Variants in DVL2 observed in about 807,000 individuals in gnomAD.
DVL2 encodes dishevelled segment polarity protein 2.
In DVL2, 38 loss-of-function variants were observed where a neutral mutation model predicts 69.8. The observed-to-expected ratio is 0.54, with a 90% CI of 0.42 to 0.71. The LOEUF (loss-of-function observed/expected upper bound fraction) is 0.71, where lower values mean the gene tolerates loss of function less well. DVL2 is among the 30% of genes least tolerant of loss of function. The pLI, the probability that DVL2 is intolerant of heterozygous loss-of-function variation, is 0.00. For synonymous variants in DVL2, 428 were observed against 392.4 expected (o/e 1.09, Z -1.07); for missense variants, 931 against 1,008.1 (o/e 0.92, Z 1.04).
At chr17:7,230,635 C>A (rs1174533217) in intron 2 of DVL2, 93 bp downstream of exon 2, 1 of 1,390,700 alleles carries the variant, frequency 7.2e-7, no homozygotes, top group Non-Finnish European at 9.9e-7. Context: ...GGGCTGCTAA[C>A]GCGCGGCCTG....
Position 7,229,626 on chromosome 17 carries a change from G to T in DVL2, c.709C>A (p.Arg237=), listed in dbSNP as rs140297538. The T allele has an allele frequency of 2.6e-6, 4 of 1,552,334 alleles. No individual in the cohort carries two copies. In the African/African-American group the frequency reaches 5.5e-5, roughly 21 times the overall value. The change falls in exon 6 of 15, where the codon CGG becomes AGG. Residue 237 remains arginine, a synonymous_variant. Transcript: ENST00000005340. The surrounding 1 kb of genome is among the most constrained non-coding windows in gnomAD (Gnocchi z 4.4). The part of the protein sequence containing the change: ...SSASRLLKRH[R]RRRKQRPPRL... ...GGTGGCCTCTGCTTCCTTCGCCGCC[G>T]GTGGCGCTTAAGGAGGCGGGAGGCA...
At position 7,229,099 on chromosome 17, in the gene DVL2, C is replaced by T. The variant is rs570864386; in HGVS notation, c.957+36G>A. On this transcript the variant is annotated intron_variant, in intron 8 of 14. Transcript: ENST00000005340. The surrounding 1 kb of genome is among the most constrained non-coding windows in gnomAD (Gnocchi z 4.4). Reference sequence around the variant, plus strand: ...CACGGTGGGAGAGGCTGAGGGCCCCCGTGCAGGGCAGCTCAGTGGCCCTAC... The same window carrying T: ...CACGGTGGGAGAGGCTGAGGGCCCCTGTGCAGGGCAGCTCAGTGGCCCTAC... 71 of 1,613,966 alleles carry T rather than the reference C, an allele frequency of 4.4e-5. No individual in the cohort carries two copies. Among genetic ancestry groups the T allele is most frequent in the African/African-American group, 6.7e-5 (5 of 75,010 alleles).
chr17:7,230,542 A>AT (rs1452643346), intron 2 of DVL2, 112 bp from the exon 3 acceptor site: 73 of 1,455,924 alleles, frequency 5.0e-5, no homozygotes, highest in Non-Finnish European at 6.7e-5. Flanking sequence ...GAGCAAAAAA[A>AT]CCTAGCAAGT....
chr17:7,226,239 C>T lies in DVL2; in HGVS notation c.1837G>A (p.Glu613Lys), dbSNP rs760883380. ...TCACTGCCACTGCCGGACTTGGACT[C>T]GGGGGCCCGCTCCTCGGGCCTCCCC... ...RTGRPEERAP[E>K]SKSGSGSESE... The change falls in exon 15 of 15, where the codon GAG (glutamate) becomes AAG (lysine). Residue 613 changes from glutamate to lysine, a missense_variant. Physicochemically the swap from Glu to Lys is moderately conservative, Grantham distance 56 (BLOSUM62 1). This residue lies in a region of DVL2 where 314 missense variants were observed against 313.7 expected (regional missense o/e 1.00). Coordinates refer to ENST00000005340, the MANE Select transcript of DVL2 (RefSeq NM_004422.3). 21 of 1,611,682 alleles carry T rather than the reference C, an allele frequency of 1.3e-5. No homozygotes were observed. The highest frequency in any genetic ancestry group is 2.2e-5 in the East Asian group (1 of 44,870).
rs59984818 is a variant in DVL2 at position 7,233,087 on chromosome 17, C to CAAAAAA, written c.194+976_194+981dup. On this transcript the variant is annotated intron_variant, in intron 1 of 14. Coordinates refer to ENST00000005340, the MANE Select transcript of DVL2 (RefSeq NM_004422.3). The stretch of plus-strand genomic sequence containing the variant: ...CCTGGGCGACAGAGCGAGACTGTCT[C>CAAAAAA]AAAAAAAAAAAAAAAAAAAAGCAGA... Among the ~76,000 whole-genome samples the CAAAAAA allele has an allele frequency of 9.4e-3, 342 of 36,284 alleles. 34 individuals carry two copies. Among genetic ancestry groups the CAAAAAA allele is most frequent in the African/African-American group, 0.013 (157 of 12,262 alleles). 23.8% of individuals were successfully genotyped at this position (36,284 alleles called of 152,430 possible).
At position 7,225,762 on chromosome 17, in the gene DVL2, C is replaced by T; in HGVS notation, c.*103G>A. The stretch of plus-strand genomic sequence containing the variant: ...GTGGCCACAATCTCCTGTATGGCAG[C>T]AGCTGGTAGGCTGAGCCCAGGCACT... On this transcript the variant is annotated 3_prime_UTR_variant, in exon 15 of 15. Coordinates refer to ENST00000005340, the MANE Select transcript of DVL2 (RefSeq NM_004422.3). 9.9e-7 allele frequency: 1 copy of T among 1,010,894 alleles called. No homozygotes were observed. Among genetic ancestry groups the T allele is most frequent in the Non-Finnish European group, 1.5e-6 (1 of 654,488 alleles). The allele number at this position is 1,010,894 out of a possible 1,614,324, so 62.6% of individuals were successfully genotyped here.
Position 7,227,082 on chromosome 17 carries a change from G to A in DVL2, c.1543+8C>T. On this transcript the variant is annotated splice_region_variant and intron_variant, in intron 13 of 14. Coordinates refer to ENST00000005340, the MANE Select transcript of DVL2 (RefSeq NM_004422.3). Reference sequence around the variant, plus strand: ...CCACACTCCCAGAGTTGGGGCAGGGGGACTTACAGCTCTCACAGCCACCAC... The same window carrying A: ...CCACACTCCCAGAGTTGGGGCAGGGAGACTTACAGCTCTCACAGCCACCAC... The A allele has an allele frequency of 6.2e-7, 1 of 1,602,558 alleles. No homozygotes were observed. Among genetic ancestry groups the A allele is most frequent in the Non-Finnish European group, 8.5e-7 (1 of 1,173,620 alleles).
chr17:7,229,406 G>A lies in DVL2; in HGVS notation c.789C>T (p.Leu263=), dbSNP rs760170438. 9.3e-6 allele frequency: 15 copies of A among 1,613,878 alleles called. No individual in the cohort carries two copies. The highest frequency in any genetic ancestry group is 1.3e-5 in the Non-Finnish European group (15 of 1,180,036). The change falls in exon 7 of 15, where the codon CTC becomes CTT. Residue 263 remains leucine (L), a synonymous_variant. Coordinates refer to ENST00000005340, the MANE Select transcript of DVL2 (RefSeq NM_004422.3). This position sits in a 1 kb window ranked among gnomAD's most constrained non-coding sequence, Gnocchi z 4.4. ...FSSVTDSTMS[L]NIITVTLNME... is the part of the protein sequence containing the mutation. The stretch of plus-strand genomic sequence containing the variant: ...TGTTTAGCGTGACTGTGATGATATT[G>A]AGAGACATTGTGGAATCTGTGACGC...
chr17:7,232,185 T>C (rs576802295), intron 1 of DVL2, among the ~76,000 whole-genome samples: 2 of 152,230 alleles, frequency 1.3e-5, no homozygotes, highest in African/African-American at 2.4e-5. Context: ...TAACAAATAC[T>C]GTCGACTAAA....
At chr17:7,232,501 C>A (rs2071558013) in intron 1 of DVL2, among the ~76,000 whole-genome samples, 1 of 152,200 alleles carries the variant, frequency 6.6e-6, no homozygotes, top group Non-Finnish European at 1.5e-5. Flanking sequence ...GAGTGGTCAG[C>A]CTCAATGCTA....
At chr17:7,233,984 G>T in intron 1 of DVL2, 85 bp downstream of exon 1, 1 of 1,446,110 alleles carries the variant, frequency 6.9e-7, no homozygotes, top group Non-Finnish European at 9.6e-7. Flanking sequence ...ATCCCAGTGT[G>T]GCCCAAAGTA....
In DVL2 at chr17:7,225,637, CA is replaced by C; in HGVS notation, c.*227del. On this transcript the variant is annotated 3_prime_UTR_variant, in exon 15 of 15. Coordinates refer to ENST00000005340, the MANE Select transcript of DVL2 (RefSeq NM_004422.3). The stretch of plus-strand genomic sequence containing the variant: ...ATGTAAGAAACTCTATTTTAACCCC[CA>C]AAAAGGCTTATAAAAAAACAAAGCT... 1 of 561,346 alleles carries C rather than the reference CA, an allele frequency of 1.8e-6. No homozygotes were observed. Among genetic ancestry groups the C allele is most frequent in the Non-Finnish European group, 3.1e-6 (1 of 319,234 alleles). 34.8% of individuals were successfully genotyped at this position (561,346 alleles called of 1,614,324 possible).
At chr17:7,230,569 G>T in intron 2 of DVL2, 139 bp from the exon 3 acceptor site, 1 of 1,362,748 alleles carries the variant, frequency 7.3e-7, no homozygotes, top group Non-Finnish European at 1.0e-6. Context: ...GACTCCAGAA[G>T]GAGAAGGCTG....
chr17:7,229,902 G>T lies in DVL2; in HGVS notation c.562C>A (p.His188Asn). The change falls in exon 5 of 15, where the codon CAC becomes AAC. Residue 188 changes from histidine to asparagine, a missense_variant. Physicochemically the swap from His to Asn is moderately conservative, Grantham distance 68. This residue lies in a region of DVL2 where 555 missense variants were observed against 588.8 expected (regional missense o/e 0.94). Coordinates refer to ENST00000005340, the MANE Select transcript of DVL2 (RefSeq NM_004422.3). This position sits in a 1 kb window ranked among gnomAD's most constrained non-coding sequence, Gnocchi z 4.4. ...GAGGAGCTCTCGTATCCGGCCAGGT[G>T]GCGCTCCAGCCTTGAGGGGCCACCA... ...RTGGPSRLER[H>N]LAGYESSSTL... 1 of 1,610,010 alleles carries T rather than the reference G, an allele frequency of 6.2e-7. No homozygotes were observed.
In DVL2 at chr17:7,229,268, T is replaced by C; in HGVS notation, c.824A>G (p.Tyr275Cys). The C allele has an allele frequency of 6.2e-7, 1 of 1,614,084 alleles. No homozygotes were observed. Reference sequence around the variant, plus strand: ...AACAATGGAGATACCCAGGAAGTTGTACTTCTCTGTGGAGAGAGGCCATGT... The same window carrying C: ...AACAATGGAGATACCCAGGAAGTTGCACTTCTCTGTGGAGAGAGGCCATGT... ...IITVTLNMEK[Y>C]NFLGISIVGQ... Residue 275 changes from tyrosine (Y) to cysteine (C), a missense_variant, in exon 8 of 15, where the codon TAC becomes TGC. Physicochemically the swap from Tyr to Cys is radical, Grantham distance 194 (BLOSUM62 -2). Transcript: ENST00000005340. This position sits in a 1 kb window ranked among gnomAD's most constrained non-coding sequence, Gnocchi z 4.4.
In DVL2 at chr17:7,229,419, G is replaced by C. The variant is rs1183242438; in HGVS notation, c.776C>G (p.Ser259Cys). 3 of 1,614,030 alleles carry C rather than the reference G, an allele frequency of 1.9e-6. No homozygotes were observed. Among genetic ancestry groups the C allele is most frequent in the Middle Eastern group, 3.3e-4 (2 of 6,062 alleles). The change falls in exon 7 of 15, where the codon TCC (serine) becomes TGC (cysteine). Residue 259 changes from serine (S) to cysteine (C), a missense_variant. By Grantham distance (112) the Ser-to-Cys change is moderately radical. Coordinates refer to ENST00000005340, the MANE Select transcript of DVL2 (RefSeq NM_004422.3). The surrounding 1 kb of genome is among the most constrained non-coding windows in gnomAD (Gnocchi z 4.4). ...RTSSFSSVTD[S>C]TMSLNIITVT... ...TGTGATGATATTGAGAGACATTGTG[G>C]AATCTGTGACGCTGCTGAAGGATGA...
At chr17:7,231,041 C>G (rs1467803731) in intron 1 of DVL2, among the ~76,000 whole-genome samples, 1 of 152,220 alleles carries the variant, frequency 6.6e-6, no homozygotes, top group East Asian at 1.9e-4. Context: ...CAAAGACTTC[C>G]TTGAGTCTGA....
In DVL2 at chr17:7,229,410, G is replaced by C. The variant is rs776226256; in HGVS notation, c.785C>G (p.Ser262Cys). The change falls in exon 7 of 15, where the codon TCT (serine) becomes TGT (cysteine). Residue 262 changes from serine (S) to cysteine (C), a missense_variant. Coordinates refer to ENST00000005340, the MANE Select transcript of DVL2 (RefSeq NM_004422.3). This position sits in a 1 kb window ranked among gnomAD's most constrained non-coding sequence, Gnocchi z 4.4. ...SFSSVTDSTM[S>C]LNIITVTLNM... The stretch of plus-strand genomic sequence containing the variant: ...TAGCGTGACTGTGATGATATTGAGA[G>C]ACATTGTGGAATCTGTGACGCTGCT... 1 of 1,614,012 alleles carries C rather than the reference G, an allele frequency of 6.2e-7. No homozygotes were observed. Among genetic ancestry groups the C allele is most frequent in the Non-Finnish European group, 8.5e-7 (1 of 1,180,044 alleles).
chr17:7,230,807 G>A lies in DVL2; in HGVS notation c.195-10C>T, dbSNP rs376235365. On this transcript the variant is annotated splice_polypyrimidine_tract_variant and intron_variant, in intron 1 of 14. Coordinates refer to ENST00000005340, the MANE Select transcript of DVL2 (RefSeq NM_004422.3). ...TTCTTCCTTCACCACCCTGCCAAGC[G>A]ACAAGGTAGAGGTCAGTGAGCTGGA... is the stretch of plus-strand genomic sequence containing the variant. The A allele has an allele frequency of 2.9e-5, 46 of 1,610,580 alleles. No individual in the cohort carries two copies. Among genetic ancestry groups the A allele is most frequent in the African/African-American group, 1.3e-4 (10 of 74,742 alleles).
Sources: allele counts gnomAD v4.1 joint callset (sites outside exome capture counted in the v4.1 genomes callset), GRCh38; gene constraint gnomAD v4.1.1; regional missense constraint gnomAD v4.1.1; non-coding constraint Gnocchi (gnomAD v3.1); transcripts MANE v1.5; gene names NCBI Gene and HGNC (gene_info 2026-07-23, HGNC 2026-07-21).